The following ADGRD1 variants were observed in gnomAD, a reference collection of about 807,000 sequenced individuals.
The protein encoded by ADGRD1 is adhesion G protein-coupled receptor D1.
Under a neutral mutation model 113.4 loss-of-function variants are expected in ADGRD1, and 77 were observed. The ratio of observed to expected loss-of-function variants is 0.68; its 90% CI spans 0.57 to 0.82. ADGRD1 has a LOEUF of 0.82. ADGRD1 is among the 40% of genes least tolerant of loss of function. The pLI is 0.00. For missense variants in ADGRD1, 1,036 were observed against 1,139.1 expected, an observed-to-expected ratio of 0.91 and a Z score of 1.30; for synonymous variants, 474 against 475.0, an observed-to-expected ratio of 1.00 and a Z score of 0.03.
At chr12:130,969,817 T>C (rs1434969775) in intron 3 of ADGRD1, 2 of 152,232 alleles carry the variant, frequency 1.3e-5, no homozygotes, top group Non-Finnish European at 2.9e-5. Flanking sequence ...AAGGTATATA[T>C]ATTCTTTCAA....
intron 18 of ADGRD1, among the ~76,000 whole-genome samples, chr12:131,111,702 T>G (rs1238208389): frequency 6.6e-6 from 1 of 152,184 alleles, no homozygotes; most frequent in East Asian, 1.9e-4. Flanking sequence ...GGATCTATTT[T>G]GGAACCCCTC....
chr12:130,987,385 T>C (rs2136628859), intron 6 of ADGRD1, 36 bp downstream of exon 6: 1 of 1,611,286 alleles, frequency 6.2e-7, no homozygotes, highest in South Asian at 1.1e-5. Flanking sequence ...AGATCCGCTG[T>C]CTGTTCCCAG....
At chr12:131,010,339 C>A (rs1473307052) in intron 12 of ADGRD1, among the ~76,000 whole-genome samples, 2 of 152,168 alleles carry the variant, frequency 1.3e-5, no homozygotes, top group Admixed American at 6.5e-5. Context: ...TCAGCAGGAG[C>A]CAGTTATCAA....
chr12:131,138,127 C>T lies in ADGRD1; in HGVS notation c.2437-10C>T, dbSNP rs374425886. The stretch of plus-strand genomic sequence containing the variant: ...GAAATTGCTCTCACGATCCCTTCCC[C>T]GCTTTCAAGGTGAGAGCCGCCTTCA... On this transcript the variant is annotated splice_polypyrimidine_tract_variant and intron_variant, in intron 23 of 24. Coordinates refer to ENST00000261654, the MANE Select transcript of ADGRD1 (RefSeq NM_198827.5). The T allele has an allele frequency of 3.8e-5, 61 of 1,612,240 alleles. No homozygotes were observed. The highest frequency in any genetic ancestry group is 1.6e-4 in the Middle Eastern group (1 of 6,084).
In ADGRD1 at chr12:131,004,193, C is replaced by G; in HGVS notation, c.1152C>G (p.Ser384=). Residue 384 remains serine, a synonymous_variant, in exon 11 of 25, where the codon TCC becomes TCG. Transcript: ENST00000261654. ...VEGSSAMAEF[S]VAKILPKTVN... ...TCGCTCCTTCCACCGCAGAGTTTTC[C>G]GTGGCCAAAATCCTGCCCAAGACCG... The G allele has an allele frequency of 6.2e-7, 1 of 1,612,478 alleles. No individual in the cohort carries two copies. The highest frequency in any genetic ancestry group is 8.5e-7 in the Non-Finnish European group (1 of 1,178,606).
intron 8 of ADGRD1, chr12:130,994,297 GT>G (rs1593315175): frequency 2.2e-6 from 1 of 445,488 alleles, no homozygotes; most frequent in Non-Finnish European, 4.5e-6. Context: ...GAACACTCTT[GT>G]TTTTGTTGAG....
chr12:131,042,677 G>A (rs574530164), intron 13 of ADGRD1, among the ~76,000 whole-genome samples: 17 of 152,266 alleles, frequency 1.1e-4, no homozygotes, highest in East Asian at 1.9e-4. Context: ...CAGGCGCTGC[G>A]GCTCTGTCTG....
chr12:131,136,625 AGCCCTCCCT>A (rs1951094749), intron 22 of ADGRD1, among the ~76,000 whole-genome samples: 1 of 152,202 alleles, frequency 6.6e-6, no homozygotes, highest in Non-Finnish European at 1.5e-5. Context: ...TGGCCCTCCC[AGCCCTCCCT>A]GGGCTACTCA....
At chr12:131,106,402 TAAG>T (rs1268215150) in intron 17 of ADGRD1, among the ~76,000 whole-genome samples, 1 of 152,152 alleles carries the variant, frequency 6.6e-6, no homozygotes, top group East Asian at 1.9e-4. Context: ...TCTGGGGCCC[TAAG>T]AAGTCTTAGA....
chr12:131,056,785 G>A (rs936929814), intron 13 of ADGRD1, among the ~76,000 whole-genome samples: 16 of 152,172 alleles, frequency 1.1e-4, no homozygotes, highest in Non-Finnish European at 2.2e-4. Flanking sequence ...TGGTTCTAGC[G>A]TGGACCACAC....
intron 15 of ADGRD1, among the ~76,000 whole-genome samples, chr12:131,101,464 T>C (rs957866998): frequency 2.3e-5 from 3 of 127,872 alleles, no homozygotes; most frequent in African/African-American, 8.7e-5. Context: ...TTCGGCTCAC[T>C]GCAACCTTCA....
intron 12 of ADGRD1, among the ~76,000 whole-genome samples, chr12:131,013,271 G>A (rs1255910797): frequency 6.6e-6 from 1 of 152,144 alleles, no homozygotes; most frequent in African/African-American, 2.4e-5. Flanking sequence ...ATTGGATCAC[G>A]TAAGCCGAGA....
chr12:131,105,254 A>T (rs767378201), intron 16 of ADGRD1, among the ~76,000 whole-genome samples: 12 of 152,236 alleles, frequency 7.9e-5, no homozygotes, highest in Non-Finnish European at 1.2e-4. Context: ...ACATGCTTGG[A>T]TGGGGGCTGG....
chr12:131,099,459 C>G (rs1454036655), intron 15 of ADGRD1, among the ~76,000 whole-genome samples: 1 of 152,226 alleles, frequency 6.6e-6, no homozygotes, highest in African/African-American at 2.4e-5. Flanking sequence ...CAGTGAGCCA[C>G]TATCAGGATC....
intron 16 of ADGRD1, among the ~76,000 whole-genome samples, chr12:131,105,136 C>T (rs1950201018): frequency 6.6e-6 from 1 of 152,222 alleles, no homozygotes. Context: ...GGCCATGGGC[C>T]TGGGGACACC....
chr12:131,046,913 C>G (rs548062585), intron 13 of ADGRD1, among the ~76,000 whole-genome samples: 1 of 140,250 alleles, frequency 7.1e-6, no homozygotes, highest in South Asian at 2.4e-4. Context: ...CCTCCCTGGC[C>G]AGTGTCCTCC....
Position 131,004,229 on chromosome 12 carries a change from C to T in ADGRD1, c.1188C>T (p.Ser396=). 1 of 1,614,036 alleles carries T rather than the reference C, an allele frequency of 6.2e-7. No individual in the cohort carries two copies. The highest frequency in any genetic ancestry group is 8.5e-7 in the Non-Finnish European group (1 of 1,179,970). ...TCCTGCCCAAGACCGTGAATTCCTC[C>T]CATTACCGCTTCCCGGCCCACGGGC... ...AKILPKTVNS[S]HYRFPAHGQS... is the part of the protein sequence containing the mutation. Residue 396 remains serine (S), a synonymous_variant, in exon 11 of 25, where the codon TCC becomes TCT. Coordinates refer to ENST00000261654, the MANE Select transcript of ADGRD1 (RefSeq NM_198827.5).
chr12:131,137,426 G>C (rs974057686), intron 23 of ADGRD1, among the ~76,000 whole-genome samples: 40 of 152,246 alleles, frequency 2.6e-4, no homozygotes, highest in Non-Finnish European at 3.7e-4. Context: ...TATTCTTTCG[G>C]TGCTGCTCTG....
intron 24 of ADGRD1, 27 bp downstream of exon 24, chr12:131,138,256 G>T (rs754833943): frequency 2.4e-5 from 39 of 1,592,924 alleles, no homozygotes; most frequent in African/African-American, 2.7e-5. Flanking sequence ...TAAACCGAGG[G>T]TCCCAGCCCA....
Sources: gnomAD v4.1 joint callset for allele counts (sites outside exome capture counted in the v4.1 genomes callset) on GRCh38, gnomAD v4.1.1 for gene constraint, MANE v1.5 for transcripts, NCBI Gene and HGNC (gene_info 2026-07-23, HGNC 2026-07-21) for gene names.